MAN2A2: variants seen among roughly 807,000 people sequenced by gnomAD.
MAN2A2 encodes the protein mannosidase alpha class 2A member 2, also known as alpha-mannosidase 2x.
MAN2A2 carries 79 observed loss-of-function variants against 126.8 expected under a neutral mutation model. The ratio of observed to expected loss-of-function variants is 0.62; its 90% confidence interval spans 0.52 to 0.75. The LOEUF is 0.75. Ranked by LOEUF, MAN2A2 falls within the 30% of genes least tolerant of loss-of-function variation. The probability of loss-of-function intolerance (pLI) is 0.00; values close to 1 mark genes in which losing one functional copy is unlikely to be tolerated. For missense variants in MAN2A2, 1,392 were observed against 1,522.4 expected, an observed-to-expected ratio of 0.91 and a Z score of 1.43; for synonymous variants, 671 against 618.7, an observed-to-expected ratio of 1.08 and a Z score of -1.25.
chr15:90,916,213 A>G lies in MAN2A2; in HGVS notation c.2951A>G (p.Asn984Ser), dbSNP rs2035165344. 1 of 1,614,136 alleles carries G rather than the reference A, an allele frequency of 6.2e-7. No individual in the cohort carries two copies. The highest frequency in any genetic ancestry group is 1.3e-5 in the African/African-American group (1 of 75,066). ...CTCAAGGACAACAAGAGAACCTGCAACCGTTTCCGCCTCCTGCTAGAGCGG... is the reference window on the plus strand; with the variant it reads ...CTCAAGGACAACAAGAGAACCTGCAGCCGTTTCCGCCTCCTGCTAGAGCGG... ...QGLKDNKRTC[N>S]RFRLLLERRT... Residue 984 changes from asparagine to serine, a missense_variant, in exon 20 of 23, where the codon AAC (asparagine) becomes AGC (serine). Transcript: ENST00000559717.
rs1479160440 is a variant in MAN2A2 at position 90,920,972 on chromosome 15, C to CCTAAT, written c.*1189_*1193dup. The CCTAAT allele has an allele frequency of 6.6e-6, 1 of 152,042 alleles. No homozygotes were observed. Among genetic ancestry groups the CCTAAT allele is most frequent in the Non-Finnish European group, 1.5e-5 (1 of 68,024 alleles). The allele number at this position is 152,042 out of a possible 1,614,324, so 9.4% of individuals were successfully genotyped here. On this transcript the variant is annotated 3_prime_UTR_variant, in exon 23 of 23. Coordinates refer to ENST00000559717, the MANE Select transcript of MAN2A2 (RefSeq NM_006122.4). ...GTAAATTAAGTCTGGAAAGAAACAC[C>CCTAAT]CTAATCTAGATAAAGGTCTGTTTCA...
chr15:90,905,529 G>A (rs1378082996), intron 3 of MAN2A2, 21 bp downstream of exon 3: 20 of 1,614,016 alleles, frequency 1.2e-5, no homozygotes, highest in Non-Finnish European at 1.5e-5. Flanking sequence ...GAGCTGGCAG[G>A]GACGTACAGT....
rs566595791 is a variant in MAN2A2, at chr15:90,921,098, G to C, written c.*1311G>C. ...CAAGCTATTATTCAGCAGTGTCCCG[G>C]CACTACTAACCCCTGCAACAAGCCA... On this transcript the variant is annotated 3_prime_UTR_variant, in exon 23 of 23. Transcript: ENST00000559717. 6.6e-6 allele frequency: 1 copy of C among 152,154 alleles called. No homozygotes were observed. Among genetic ancestry groups the C allele is most frequent in the Non-Finnish European group, 1.5e-5 (1 of 68,032 alleles). 9.4% of individuals were successfully genotyped at this position (152,154 alleles called of 1,614,324 possible).
chr15:90,909,286 T>G, intron 8 of MAN2A2, 41 bp from the exon 9 acceptor site: 5 of 1,578,930 alleles, frequency 3.2e-6, no homozygotes, highest in South Asian at 1.1e-5. Flanking sequence ...CTTTTACTGA[T>G]GAGACTTCGT....
Position 90,910,690 on chromosome 15 carries a change from G to A in MAN2A2, c.1760+7G>A, listed in dbSNP as rs2034657094. 8 of 1,613,400 alleles carry A rather than the reference G, an allele frequency of 5.0e-6. No individual in the cohort carries two copies. Among genetic ancestry groups the A allele is most frequent in the Non-Finnish European group, 5.1e-6 (6 of 1,179,910 alleles). On this transcript the variant is annotated splice_region_variant and intron_variant, in intron 11 of 22. Transcript: ENST00000559717. ...TGGTGGACTATGGGGTCAGGTGGGA[G>A]CCTTCTCTTTTCCCTTGTAAGCTCC...
intron 6 of MAN2A2, 44 bp downstream of exon 6, chr15:90,906,541 AG>A: frequency 6.2e-7 from 1 of 1,613,536 alleles, no homozygotes; most frequent in Non-Finnish European, 8.5e-7. Flanking sequence ...CTGGGCTGTA[AG>A]GCACAGGCAG....
chr15:90,905,576 C>G lies in MAN2A2; in HGVS notation c.391-3C>G. Reference sequence around the variant, plus strand: ...GGGTACTGAGCTGCAGTTCACCTGGCAGATGCTCACTGTGTCGGAGGAGCT... The same window carrying G: ...GGGTACTGAGCTGCAGTTCACCTGGGAGATGCTCACTGTGTCGGAGGAGCT... On this transcript the variant is annotated splice_polypyrimidine_tract_variant and splice_region_variant and intron_variant, in intron 3 of 22. Coordinates refer to ENST00000559717, the MANE Select transcript of MAN2A2 (RefSeq NM_006122.4). 1.2e-6 allele frequency: 2 copies of G among 1,614,152 alleles called. No individual in the cohort carries two copies. The highest frequency in any genetic ancestry group is 1.7e-6 in the Non-Finnish European group (2 of 1,180,032).
intron 8 of MAN2A2, 110 bp downstream of exon 8, chr15:90,907,605 T>TCAACTCA: frequency 1.0e-6 from 1 of 999,368 alleles, no homozygotes; most frequent in Non-Finnish European, 1.4e-6. Context: ...GCTCCTAGCC[T>TCAACTCA]CTGCAGCAGC....
In MAN2A2 at chr15:90,910,835, C is replaced by T. The variant is rs376068794; in HGVS notation, c.1761-12C>T. The T allele has an allele frequency of 3.1e-6, 5 of 1,609,564 alleles. No individual in the cohort carries two copies. Among genetic ancestry groups the T allele is most frequent in the South Asian group, 1.1e-5 (1 of 90,986 alleles). ...TCATCTTCTCTCCTTCCCTCTCCTG[C>T]GCCACCCACAGGCTTCTGCGCTCCC... On this transcript the variant is annotated splice_polypyrimidine_tract_variant and intron_variant, in intron 11 of 22. Transcript: ENST00000559717.
At chr15:90,910,737 A>G in intron 11 of MAN2A2, 54 bp downstream of exon 11, 1 of 1,607,354 alleles carries the variant, frequency 6.2e-7, no homozygotes, top group Non-Finnish European at 8.5e-7. Context: ...TCCCAAAGAA[A>G]GGACATTGGG....
intron 19 of MAN2A2, chr15:90,915,337 C>G (rs1450600346): frequency 6.6e-6 from 1 of 152,204 alleles, no homozygotes; most frequent in African/African-American, 2.4e-5. Flanking sequence ...CCATCTGTCC[C>G]GGTGGAATGT....
chr15:90,914,311 A>G (rs1488198911), intron 19 of MAN2A2, among the ~76,000 whole-genome samples: 3 of 152,166 alleles, frequency 2.0e-5, no homozygotes, highest in Non-Finnish European at 2.9e-5. Flanking sequence ...GCCTGGTGAC[A>G]GAGCAAGACC....
intron 8 of MAN2A2, among the ~76,000 whole-genome samples, chr15:90,908,053 C>A (rs1204274517): frequency 6.6e-6 from 1 of 152,200 alleles, no homozygotes; most frequent in East Asian, 1.9e-4. Flanking sequence ...TTTTATGTTG[C>A]AATGCTCTGA....
chr15:90,906,061 C>T (rs1169511777), intron 5 of MAN2A2, 45 bp downstream of exon 5: 1 of 1,610,780 alleles, frequency 6.2e-7, no homozygotes, highest in East Asian at 2.2e-5. Context: ...GTCTGAGCCC[C>T]AGGCTGGGTG....
chr15:90,913,828 C>T (rs1381617468), intron 19 of MAN2A2, 73 bp downstream of exon 19: 12 of 1,483,308 alleles, frequency 8.1e-6, no homozygotes, highest in Non-Finnish European at 1.1e-5. Context: ...AAGGGCTCCC[C>T]GCTCTGTTGG....
rs1295050282 is a variant in MAN2A2 at position 90,912,964 on chromosome 15, C to A, written c.2557C>A (p.Gln853Lys). 1.9e-6 allele frequency: 3 copies of A among 1,613,886 alleles called. No homozygotes were observed. Among genetic ancestry groups the A allele is most frequent in the Non-Finnish European group, 2.5e-6 (3 of 1,179,906 alleles). ...EVVAYYEHIH[Q>K]AVRLYNLPGV... ...GGTTGCGTACTATGAGCACATTCAC[C>A]AGGCGGTCCGGCTTTACAATCTGCC... Residue 853 changes from glutamine (Q) to lysine (K), a missense_variant, in exon 17 of 23, where the codon CAG (glutamine) becomes AAG (lysine). Transcript: ENST00000559717.
rs1443020600 is a variant in MAN2A2 at position 90,918,397 on chromosome 15, C to G, written c.3189+9C>G. The G allele has an allele frequency of 6.8e-6, 11 of 1,610,948 alleles. No individual in the cohort carries two copies. The highest frequency in any genetic ancestry group is 9.3e-6 in the Non-Finnish European group (11 of 1,177,796). ...GTACGCTCCAGGCTGAGGTGAGTGTCCCTCAGCGTGACATGCTGAGAGCAG... is the reference window on the plus strand; with the variant it reads ...GTACGCTCCAGGCTGAGGTGAGTGTGCCTCAGCGTGACATGCTGAGAGCAG... On this transcript the variant is annotated intron_variant, in intron 21 of 22. Coordinates refer to ENST00000559717, the MANE Select transcript of MAN2A2 (RefSeq NM_006122.4).
chr15:90,916,574 T>C, intron 20 of MAN2A2: 1 of 1,364,826 alleles, frequency 7.3e-7, no homozygotes, highest in Non-Finnish European at 9.6e-7. Context: ...ATGGCTTTCT[T>C]TGCCCCACCA....
In MAN2A2 at chr15:90,905,999, G is replaced by T. The variant is rs1234107490; in HGVS notation, c.690G>T (p.Lys230Asn). ...GGTGGGACAACATCAATGTCCAAAA[G>T]AGAGCGGCAGTCCGAAGGCCAGTAC... ...AKWWDNINVQKRAAVRRLVGN... is the reference protein window; with the variant it reads ...AKWWDNINVQNRAAVRRLVGN... Residue 230 changes from lysine (K) to asparagine (N), a missense_variant, in exon 5 of 23, where the codon AAG (lysine) becomes AAT (asparagine). Physicochemically the swap from Lys to Asn is moderately conservative, Grantham distance 94. Coordinates refer to ENST00000559717, the MANE Select transcript of MAN2A2 (RefSeq NM_006122.4). 11 of 1,613,826 alleles carry T rather than the reference G, an allele frequency of 6.8e-6. No homozygotes were observed. Among genetic ancestry groups the T allele is most frequent in the Non-Finnish European group, 9.3e-6 (11 of 1,180,044 alleles).
Sources: allele counts gnomAD v4.1 joint callset (sites outside exome capture counted in the v4.1 genomes callset), GRCh38; gene constraint gnomAD v4.1.1; transcripts MANE v1.5; gene names NCBI Gene and HGNC (gene_info 2026-07-23, HGNC 2026-07-21).